The following ROBO2 variants were observed in gnomAD, a reference collection of about 807,000 sequenced individuals.
ROBO2 encodes roundabout homolog 2.
Under a neutral mutation model 160.8 loss-of-function variants are expected in ROBO2, and 53 were observed. The observed-to-expected ratio is 0.33, with a 90% CI of 0.26 to 0.41. ROBO2 has a LOEUF of 0.41. Ranked by LOEUF, ROBO2 falls within the 10% of genes least tolerant of loss-of-function variation. ROBO2 has a pLI of 1.00. For synonymous variants in ROBO2, 664 were observed against 611.7 expected, an observed-to-expected ratio of 1.09 and a Z score of -1.26; for missense variants, 1,577 against 1,722.4, an observed-to-expected ratio of 0.92 and a Z score of 1.49.
intron 2 of ROBO2, among the ~76,000 whole-genome samples, chr3:77,341,567 AG>A (rs1268715732): frequency 6.6e-6 from 1 of 152,148 alleles, no homozygotes; most frequent in African/African-American, 2.4e-5. Context: ...CTAGTGAAGC[AG>A]CAACATGTTG....
intron 2 of ROBO2, among the ~76,000 whole-genome samples, chr3:76,587,234 T>C (rs2086103513): frequency 6.6e-6 from 1 of 152,194 alleles, no homozygotes; most frequent in Non-Finnish European, 1.5e-5. Context: ...TTTTCTCCAC[T>C]TAATGTGAGT....
chr3:76,038,678 A>G (rs1417581715), intron 2 of ROBO2, among the ~76,000 whole-genome samples: 2 of 151,912 alleles, frequency 1.3e-5, no homozygotes, highest in Non-Finnish European at 1.5e-5. Context: ...ATTGATCCCA[A>G]GAGAATTCCA....
intron 2 of ROBO2, among the ~76,000 whole-genome samples, chr3:76,293,822 A>C (rs1708929750): frequency 6.6e-6 from 1 of 152,212 alleles, no homozygotes; most frequent in Admixed American, 6.5e-5. Flanking sequence ...TATTGTCCCA[A>C]GTTTTTGTTC....
chr3:77,582,682 CT>C (rs894652867), intron 16 of ROBO2, among the ~76,000 whole-genome samples: 5 of 151,804 alleles, frequency 3.3e-5, no homozygotes, highest in South Asian at 2.1e-4. Flanking sequence ...TTCCTCTCAT[CT>C]TTTTTTTGTT....
chr3:77,270,115 A>G (rs2059394190), intron 2 of ROBO2, among the ~76,000 whole-genome samples: 1 of 152,224 alleles, frequency 6.6e-6, no homozygotes, highest in Non-Finnish European at 1.5e-5. Flanking sequence ...GTTAGTTAAT[A>G]TAGCTATAAT....
intron 2 of ROBO2, among the ~76,000 whole-genome samples, chr3:76,530,250 T>G (rs529223630): frequency 6.6e-6 from 1 of 152,290 alleles, no homozygotes; most frequent in East Asian, 1.9e-4. Context: ...AATTTCCCCC[T>G]GGACTCCCAG....
At chr3:76,277,529 T>C (rs1332366277) in intron 2 of ROBO2, among the ~76,000 whole-genome samples, 1 of 151,910 alleles carries the variant, frequency 6.6e-6, no homozygotes, top group African/African-American at 2.4e-5. Flanking sequence ...GCTCAGCTTT[T>C]GGTATAAAAT....
chr3:77,515,029 T>C (rs2089857739), intron 5 of ROBO2, among the ~76,000 whole-genome samples: 1 of 151,910 alleles, frequency 6.6e-6, no homozygotes, highest in Admixed American at 6.6e-5. Flanking sequence ...TCAGATTGCC[T>C]ACATGTGAAA....
intron 2 of ROBO2, among the ~76,000 whole-genome samples, chr3:75,944,426 G>A (rs74562055): frequency 6.6e-6 from 1 of 151,672 alleles, no homozygotes; most frequent in Non-Finnish European, 1.5e-5. Context: ...GACAAGCTCT[G>A]GAATCACTTG....
upstream of ROBO2, among the ~76,000 whole-genome samples, chr3:77,037,167 C>G (rs756610540): frequency 1.2e-4 from 18 of 152,076 alleles, no homozygotes; most frequent in South Asian, 4.1e-4. Context: ...TGGTCATAAT[C>G]CTAAACTATC....
intron 2 of ROBO2, among the ~76,000 whole-genome samples, chr3:77,433,490 A>G (rs898823164): frequency 5.2e-5 from 3 of 58,054 alleles, no homozygotes; most frequent in East Asian, 5.5e-4. Flanking sequence ...CAACTTGTAT[A>G]TATATATATA....
At chr3:77,393,991 C>T (rs2075007005) in intron 2 of ROBO2, among the ~76,000 whole-genome samples, 1 of 152,104 alleles carries the variant, frequency 6.6e-6, no homozygotes, top group Non-Finnish European at 1.5e-5. Flanking sequence ...ACAGTGGCAA[C>T]AGATTTTGTT....
chr3:77,008,587 G>A (rs181271791), intron 2 of ROBO2, among the ~76,000 whole-genome samples: 353 of 152,204 alleles, frequency 2.3e-3, no homozygotes, highest in Non-Finnish European at 4.3e-3. Flanking sequence ...ATTTAAGAAG[G>A]AGAAAGAATA....
chr3:77,646,197 A>G (rs2095411588), exon 26 of ROBO2: 4 of 514,206 alleles, frequency 7.8e-6, no homozygotes, highest in Non-Finnish European at 3.4e-6. Flanking sequence ...ACACACAGCC[A>G]CACATATCCC....
intron 1 of ROBO2, among the ~76,000 whole-genome samples, chr3:77,066,903 T>C (rs1281568526): frequency 6.6e-6 from 1 of 152,052 alleles, no homozygotes; most frequent in Non-Finnish European, 1.5e-5. Flanking sequence ...CACCCATTTT[T>C]AGTTTGCAAA....
At chr3:76,758,814 T>C (rs959852218) in intron 2 of ROBO2, among the ~76,000 whole-genome samples, 1 of 151,888 alleles carries the variant, frequency 6.6e-6, no homozygotes, top group Non-Finnish European at 1.5e-5. Flanking sequence ...CAAGGAATTA[T>C]AGTGGGAAGG....
At chr3:76,442,635 C>T (rs964895209) in intron 2 of ROBO2, among the ~76,000 whole-genome samples, 3 of 152,054 alleles carry the variant, frequency 2.0e-5, no homozygotes, top group African/African-American at 7.2e-5. Context: ...CAGAAATAAA[C>T]AATTCCTCGG....
chr3:76,919,519 C>A (rs1350214411), intron 2 of ROBO2, among the ~76,000 whole-genome samples: 1 of 151,866 alleles, frequency 6.6e-6, no homozygotes, highest in Non-Finnish European at 1.5e-5. Flanking sequence ...TTCTTGTTTC[C>A]TCTGACATTT....
chr3:77,562,168 T>G (rs2093343053), intron 9 of ROBO2, among the ~76,000 whole-genome samples: 1 of 152,164 alleles, frequency 6.6e-6, no homozygotes, highest in Non-Finnish European at 1.5e-5. Flanking sequence ...AAAGAAAGTG[T>G]GATCCCTTAT....
Sources: gnomAD v4.1 joint callset for allele counts (sites outside exome capture counted in the v4.1 genomes callset) on GRCh38, gnomAD v4.1.1 for gene constraint, MANE v1.5 for transcripts, NCBI Gene and HGNC (gene_info 2026-07-23, HGNC 2026-07-21) for gene names.